Variants in BUB3 observed in about 807,000 individuals in gnomAD.
BUB3 encodes BUB3 mitotic checkpoint protein.
Under a neutral mutation model 39.9 loss-of-function variants are expected in BUB3, and 22 were observed. The observed-to-expected ratio is 0.55, with a 90% confidence interval of 0.39 to 0.79. The LOEUF is 0.79. Ranked by LOEUF, BUB3 falls within the 30% of genes least tolerant of loss-of-function variation. The probability of loss-of-function intolerance (pLI) is 0.00; values close to 1 mark genes in which losing one functional copy is unlikely to be tolerated. For synonymous variants in BUB3, 168 were observed against 155.1 expected, an observed-to-expected ratio of 1.08 and a Z score of -0.62; for missense variants, 303 against 415.4, an observed-to-expected ratio of 0.73 and a Z score of 2.35.
rs1844466146 is a variant in BUB3 at position 123,164,676 on chromosome 10, C to T, written c.*841C>T. 2.0e-6 allele frequency: 2 copies of T among 1,011,848 alleles called. No individual in the cohort carries two copies. The highest frequency in any genetic ancestry group is 2.4e-6 in the Non-Finnish European group (2 of 847,224). 62.7% of individuals were successfully genotyped at this position (1,011,848 alleles called of 1,614,324 possible). ...AAACATTAATGAGGTTTACATATTT[C>T]TCTGACATTTATATAGTTCTTATGT... On this transcript the variant is annotated 3_prime_UTR_variant, in exon 8 of 8. Coordinates refer to ENST00000368865, the MANE Select transcript of BUB3 (RefSeq NM_004725.4).
intron 2 of BUB3, among the ~76,000 whole-genome samples, chr10:123,155,434 C>T (rs1352913612): frequency 6.6e-6 from 1 of 152,104 alleles, no homozygotes; most frequent in African/African-American, 2.4e-5. Flanking sequence ...GTATGTTTAC[C>T]CTCAGCTAGC....
At chr10:123,162,144 T>A in intron 5 of BUB3, 92 bp from the exon 6 acceptor site, 1 of 1,112,746 alleles carries the variant, frequency 9.0e-7, no homozygotes, top group Non-Finnish European at 1.3e-6. Context: ...TCTGAAATAA[T>A]CACTCTTTAG....
chr10:123,163,278 A>C (rs1844448647), intron 7 of BUB3: 1 of 165,782 alleles, frequency 6.0e-6, no homozygotes, highest in African/African-American at 2.4e-5. Flanking sequence ...AACTCAGAGT[A>C]ATATGGCCTT....
In BUB3 at chr10:123,162,244, A is replaced by G. The variant is rs1364362749; in HGVS notation, c.585A>G (p.Val195=). ...IRAFPNKQGY[V]LSSIEGRVAV... The stretch of plus-strand genomic sequence containing the variant: ...TGGTTCTCTCTTGGCAGGGTTATGT[A>G]TTAAGCTCTATTGAAGGCCGAGTGG... The change falls in exon 6 of 8, where the codon GTA becomes GTG. Residue 195 remains valine, a synonymous_variant. Coordinates refer to ENST00000368865, the MANE Select transcript of BUB3 (RefSeq NM_004725.4). 2 of 1,613,770 alleles carry G rather than the reference A, an allele frequency of 1.2e-6. No homozygotes were observed. The highest frequency in any genetic ancestry group is 1.3e-5 in the African/African-American group (1 of 75,016).
At position 123,168,169 on chromosome 10, in the gene BUB3, C is replaced by A. The variant is rs565009187; in HGVS notation, c.*4334C>A. The A allele has an allele frequency of 6.6e-6, 1 of 152,282 alleles. No individual in the cohort carries two copies. The highest frequency in any genetic ancestry group is 2.4e-5 in the African/African-American group (1 of 41,574). 9.4% of individuals were successfully genotyped at this position (152,282 alleles called of 1,614,324 possible). ...ATTTCAAGTATACAATTCATTATTA[C>A]TAAGATAGCCACCACACTGTATGTC... is the stretch of plus-strand genomic sequence containing the variant. On this transcript the variant is annotated 3_prime_UTR_variant, in exon 8 of 8. Transcript: ENST00000368865.
At chr10:123,159,513 A>G (rs1844392588) in intron 4 of BUB3, among the ~76,000 whole-genome samples, 1 of 152,208 alleles carries the variant, frequency 6.6e-6, no homozygotes, top group African/African-American at 2.4e-5. Context: ...TGATCAGGAG[A>G]ATATTTTTTT....
In BUB3 at chr10:123,166,457, T is replaced by A. The variant is rs148471957; in HGVS notation, c.*2622T>A. 1 of 152,354 alleles carries A rather than the reference T, an allele frequency of 6.6e-6. No individual in the cohort carries two copies. The highest frequency in any genetic ancestry group is 1.9e-4 in the East Asian group (1 of 5,190). The allele number at this position is 152,354 out of a possible 1,614,324, so 9.4% of individuals were successfully genotyped here. On this transcript the variant is annotated 3_prime_UTR_variant, in exon 8 of 8. Transcript: ENST00000368865. ...GCATGCGATGTATCTGGTGCATGTG[T>A]GCATTTTTTTCTTTGCTTTTTAAGA...
At chr10:123,162,998 A>G (rs950202903) in intron 7 of BUB3, 170 bp downstream of exon 7, 5 of 654,274 alleles carry the variant, frequency 7.6e-6, no homozygotes, top group African/African-American at 5.7e-5. Flanking sequence ...CCGTAGGTTG[A>G]TAGACGTCTG....
At chr10:123,160,664 T>C in intron 5 of BUB3, 99 bp downstream of exon 5, 1 of 1,168,620 alleles carries the variant, frequency 8.6e-7, no homozygotes, top group East Asian at 2.8e-5. Flanking sequence ...TCTTTTTTTT[T>C]TTCAGTAGTG....
intron 3 of BUB3, among the ~76,000 whole-genome samples, chr10:123,157,260 A>C (rs1199017364): frequency 6.6e-6 from 1 of 152,266 alleles, no homozygotes; most frequent in Non-Finnish European, 1.5e-5. Context: ...TCTTAGCAGC[A>C]TTGGCTTAAT....
intron 4 of BUB3, among the ~76,000 whole-genome samples, chr10:123,158,487 C>T (rs1290661877): frequency 6.6e-6 from 1 of 152,190 alleles, no homozygotes; most frequent in African/African-American, 2.4e-5. Flanking sequence ...ATTGAGCTTT[C>T]CTTCTGTATC....
chr10:123,157,993 G>GA, intron 4 of BUB3, 113 bp downstream of exon 4: 2 of 1,151,578 alleles, frequency 1.7e-6, no homozygotes, highest in Non-Finnish European at 2.3e-6. Flanking sequence ...AACATGGGGG[G>GA]AAAAAAGGTT....
intron 5 of BUB3, 57 bp from the exon 6 acceptor site, chr10:123,162,179 A>G (rs1844432381): frequency 2.0e-6 from 3 of 1,511,998 alleles, no homozygotes; most frequent in African/African-American, 2.8e-5. Context: ...GGGAATTAGC[A>G]CCTTGTTTTT....
In BUB3 at chr10:123,155,649, A is replaced by G. The variant is rs1844340164; in HGVS notation, c.196-9A>G. The stretch of plus-strand genomic sequence containing the variant: ...TCTAGTTTTTAAACGGTTCAAAACT[A>G]TTTTATAGGATCCAACGCATGCCTG... On this transcript the variant is annotated splice_polypyrimidine_tract_variant and intron_variant, in intron 2 of 7. Transcript: ENST00000368865. 6.2e-7 allele frequency: 1 copy of G among 1,613,596 alleles called. No homozygotes were observed. Among genetic ancestry groups the G allele is most frequent in the East Asian group, 2.2e-5 (1 of 44,868 alleles).
intron 4 of BUB3, among the ~76,000 whole-genome samples, chr10:123,158,436 G>T (rs567478621): frequency 6.6e-6 from 1 of 152,288 alleles, no homozygotes; most frequent in African/African-American, 2.4e-5. Context: ...CCAAAACTTT[G>T]TGTATTATTC....
rs1392351769 is a variant in BUB3 at position 123,169,704 on chromosome 10, T to A, written c.*5869T>A. 2.0e-5 allele frequency: 3 copies of A among 152,308 alleles called. No individual in the cohort carries two copies. In the East Asian group the frequency reaches 5.8e-4, roughly 29 times the overall value. 9.4% of individuals were successfully genotyped at this position (152,308 alleles called of 1,614,324 possible). A position where few individuals can be genotyped will look rare whatever the true frequency, so the allele number is the denominator to read the frequency against. ...TTGTCAAATCTTTGAGCCCACTCAC[T>A]CAGAGGGCCTGTCACTCATCCAGAA... On this transcript the variant is annotated 3_prime_UTR_variant, in exon 8 of 8. Coordinates refer to ENST00000368865, the MANE Select transcript of BUB3 (RefSeq NM_004725.4).
rs755794503 is a variant in BUB3 at position 123,162,856 on chromosome 10, CT to C, written c.971+32del. ...GAGTATGCTTCACCTGTATTTGAGC[CT>C]TTTCTTGCATTCAACCCAGGATTTA... On this transcript the variant is annotated intron_variant, in intron 7 of 7. Transcript: ENST00000368865. 7.6e-6 allele frequency: 12 copies of C among 1,587,478 alleles called. No homozygotes were observed. The South Asian group carries it at 1.2e-4, about 16-fold the overall frequency.
chr10:123,160,372 G>A (rs947011419), intron 4 of BUB3, 35 bp from the exon 5 acceptor site: 15 of 1,475,172 alleles, frequency 1.0e-5, no homozygotes, highest in Non-Finnish European at 1.4e-5. Context: ...CAGGCAAGAA[G>A]GTGATTTTTA....
At chr10:123,156,435 ATGAGT>A (rs1844348718) in intron 3 of BUB3, among the ~76,000 whole-genome samples, 1 of 152,228 alleles carries the variant, frequency 6.6e-6, no homozygotes, top group African/African-American at 2.4e-5. Flanking sequence ...TAGAGAGAAG[ATGAGT>A]TGAGCAACAG....
Sources: gnomAD v4.1 joint callset for allele counts (sites outside exome capture counted in the v4.1 genomes callset) on GRCh38, gnomAD v4.1.1 for gene constraint, MANE v1.5 for transcripts, NCBI Gene and HGNC (gene_info 2026-07-23, HGNC 2026-07-21) for gene names.